The following KDM4C variants were observed in gnomAD, a reference collection of about 807,000 sequenced individuals.
The protein encoded by KDM4C is lysine demethylase 4C, also known as lysine-specific demethylase 4C.
A neutral mutation model predicts 129.3 loss-of-function variants in KDM4C; 81 were observed. The ratio of observed to expected loss-of-function variants is 0.63; its 90% CI spans 0.52 to 0.75. The LOEUF is 0.75. KDM4C is among the 30% of genes least tolerant of loss of function. The pLI, the probability that KDM4C is intolerant of heterozygous loss-of-function variation, is 0.00. For synonymous variants in KDM4C, 573 were observed against 456.1 expected (o/e 1.26, Z -3.26); for missense variants, 1,457 against 1,304.0 (o/e 1.12, Z -1.81).
intron 12 of KDM4C, among the ~76,000 whole-genome samples, chr9:6,995,726 C>T (rs1345765574): frequency 6.6e-6 from 1 of 151,934 alleles, no homozygotes; most frequent in Non-Finnish European, 1.5e-5. Flanking sequence ...GGCTGGAGTG[C>T]AGTGGCGCAG....
chr9:7,101,736 T>A (rs1408047312), intron 17 of KDM4C, among the ~76,000 whole-genome samples: 1 of 152,214 alleles, frequency 6.6e-6, no homozygotes, highest in African/African-American at 2.4e-5. Flanking sequence ...GAGATACCAA[T>A]GCTTTAATTA....
intron 8 of KDM4C, among the ~76,000 whole-genome samples, chr9:6,955,339 G>GT (rs1828879122): frequency 6.6e-6 from 1 of 152,188 alleles, no homozygotes; most frequent in Admixed American, 6.5e-5. Flanking sequence ...GTAGGTTTTG[G>GT]TTTTACCTTT....
At chr9:6,962,745 T>G (rs1028793201) in intron 8 of KDM4C, among the ~76,000 whole-genome samples, 1 of 152,196 alleles carries the variant, frequency 6.6e-6, no homozygotes, top group Non-Finnish European at 1.5e-5. Context: ...GGCATTTAGA[T>G]TATAATACTT....
At chr9:6,880,485 C>T (rs1844268885) in intron 6 of KDM4C, among the ~76,000 whole-genome samples, 2 of 151,984 alleles carry the variant, frequency 1.3e-5, no homozygotes, top group African/African-American at 4.8e-5. Context: ...TGTTGATCTG[C>T]TGTTTCCCCC....
chr9:6,869,512 T>G (rs1014473130), intron 5 of KDM4C, among the ~76,000 whole-genome samples: 1 of 152,198 alleles, frequency 6.6e-6, no homozygotes, highest in African/African-American at 2.4e-5. Context: ...TGTATAGTGC[T>G]CCAGGAATAA....
At chr9:7,133,758 G>A (rs540265950) in intron 19 of KDM4C, among the ~76,000 whole-genome samples, 6 of 152,284 alleles carry the variant, frequency 3.9e-5, no homozygotes, top group South Asian at 2.1e-4. Context: ...ACAAGCCCTC[G>A]CTTGGCAAGC....
chr9:7,138,536 C>T (rs1362378566), intron 19 of KDM4C, among the ~76,000 whole-genome samples: 1 of 152,098 alleles, frequency 6.6e-6, no homozygotes, highest in Non-Finnish European at 1.5e-5. Context: ...TCTTTTGGGC[C>T]AGGCACGGTG....
chr9:7,140,348 GT>G (rs1370002872), intron 19 of KDM4C, among the ~76,000 whole-genome samples: 1 of 152,020 alleles, frequency 6.6e-6, no homozygotes, highest in Non-Finnish European at 1.5e-5. Context: ...TTGTTGTTGG[GT>G]TTTTTTGTTT....
intron 8 of KDM4C, among the ~76,000 whole-genome samples, chr9:6,952,104 G>A (rs1157846244): frequency 6.6e-6 from 1 of 152,010 alleles, no homozygotes; most frequent in Non-Finnish European, 1.5e-5. Flanking sequence ...TAATCTTTAT[G>A]AAAGGAAATT....
intron 8 of KDM4C, among the ~76,000 whole-genome samples, chr9:6,932,831 G>A (rs546995819): frequency 5.9e-5 from 9 of 152,170 alleles, no homozygotes; most frequent in Non-Finnish European, 1.2e-4. Context: ...GCAAAACATC[G>A]TACAATACAC....
intron 17 of KDM4C, among the ~76,000 whole-genome samples, chr9:7,057,601 A>G (rs1831038558): frequency 6.6e-6 from 1 of 152,072 alleles, no homozygotes; most frequent in African/African-American, 2.4e-5. Flanking sequence ...GAACGTTAGC[A>G]ATATTAGCTG....
At chr9:7,069,069 A>G (rs1416789499) in intron 17 of KDM4C, among the ~76,000 whole-genome samples, 1 of 152,112 alleles carries the variant, frequency 6.6e-6, no homozygotes, top group East Asian at 1.9e-4. Context: ...TAGAATCAAA[A>G]TCACCATAAT....
chr9:7,121,808 TAA>T (rs796191236), intron 18 of KDM4C, among the ~76,000 whole-genome samples: 6 of 143,854 alleles, frequency 4.2e-5, no homozygotes, highest in African/African-American at 1.3e-4. Flanking sequence ...ATGGAAGGCT[TAA>T]AAAAAAAAAA....
chr9:6,981,419 G>A (rs1816746012), intron 9 of KDM4C, among the ~76,000 whole-genome samples: 1 of 152,070 alleles, frequency 6.6e-6, no homozygotes, highest in South Asian at 2.1e-4. Context: ...TCCTTTCTGT[G>A]CATTTCCATA....
intron 1 of KDM4C, among the ~76,000 whole-genome samples, chr9:6,747,539 CAA>C (rs35996555): frequency 1.4e-4 from 14 of 98,026 alleles, no homozygotes; most frequent in Admixed American, 1.1e-4. Flanking sequence ...CAGGGCGATT[CAA>C]AAAAAAAAAA....
intron 1 of KDM4C, among the ~76,000 whole-genome samples, chr9:6,760,860 C>T (rs1042967684): frequency 1.3e-5 from 2 of 152,130 alleles, no homozygotes; most frequent in East Asian, 3.9e-4. Context: ...GCGTGAGCCA[C>T]CGTGCCTGGC....
At chr9:7,038,732 T>C (rs1348046715) in intron 15 of KDM4C, among the ~76,000 whole-genome samples, 1 of 152,108 alleles carries the variant, frequency 6.6e-6, no homozygotes, top group African/African-American at 2.4e-5. Context: ...TAAATTTTAA[T>C]GGACAATGTT....
intron 19 of KDM4C, among the ~76,000 whole-genome samples, chr9:7,142,436 G>A (rs1274777999): frequency 1.3e-5 from 2 of 152,126 alleles, no homozygotes; most frequent in Admixed American, 1.3e-4. Context: ...CTATTCAGTG[G>A]CTTTGCCTCC....
At chr9:6,796,647 C>T (rs1564025292) in intron 2 of KDM4C, among the ~76,000 whole-genome samples, 1 of 152,178 alleles carries the variant, frequency 6.6e-6, no homozygotes, top group Non-Finnish European at 1.5e-5. Context: ...ACTATGATTA[C>T]AAAACACACC....
Sources: gnomAD v4.1 joint callset for allele counts (sites outside exome capture counted in the v4.1 genomes callset) on GRCh38, gnomAD v4.1.1 for gene constraint, MANE v1.5 for transcripts, NCBI Gene and HGNC (gene_info 2026-07-23, HGNC 2026-07-21) for gene names.